ABCD3: variants seen among roughly 807,000 people sequenced by gnomAD.
ABCD3 encodes the protein ATP-binding cassette sub-family D member 3.
Under a neutral mutation model 105.5 loss-of-function variants are expected in ABCD3, and 41 were observed. The observed-to-expected ratio is 0.39, with a 90% CI of 0.30 to 0.50. ABCD3 has a LOEUF of 0.50. Ranked by LOEUF, ABCD3 falls within the 20% of genes least tolerant of loss-of-function variation. The pLI, the probability that ABCD3 is intolerant of heterozygous loss-of-function variation, is 0.84. For synonymous variants in ABCD3, 258 were observed against 269.0 expected (o/e 0.96, Z 0.40); for missense variants, 622 against 806.3 (o/e 0.77, Z 2.77).
chr1:94,495,468 C>T (rs1353321397), intron 16 of ABCD3, among the ~76,000 whole-genome samples: 1 of 152,118 alleles, frequency 6.6e-6, no homozygotes, highest in African/African-American at 2.4e-5. Flanking sequence ...GAAAAATTAT[C>T]ACTGGCTTAT....
chr1:94,506,702 C>A, intron 21 of ABCD3, 60 bp downstream of exon 21: 2 of 1,198,616 alleles, frequency 1.7e-6, no homozygotes, highest in African/African-American at 1.5e-5. Context: ...TAAACTATGT[C>A]CAAATCTGTC....
At chr1:94,453,138 C>T (rs1570763376) in intron 1 of ABCD3, among the ~76,000 whole-genome samples, 1 of 152,158 alleles carries the variant, frequency 6.6e-6, no homozygotes, top group Non-Finnish European at 1.5e-5. Context: ...TGTCCTAAAA[C>T]AGTTAAAGCA....
the ABCD3 span, among the ~76,000 whole-genome samples, chr1:94,402,635 A>G: frequency 6.6e-6 from 1 of 152,180 alleles, no homozygotes; most frequent in Non-Finnish European, 1.5e-5. Context: ...AATGTCCTCA[A>G]CAACGTCCTC....
chr1:94,432,459 G>A (rs562060133), intron 1 of ABCD3: 1 of 152,314 alleles, frequency 6.6e-6, no homozygotes, highest in East Asian at 1.9e-4. Context: ...GACGAAGCTG[G>A]AGATATTACT....
intron 1 of ABCD3, among the ~76,000 whole-genome samples, chr1:94,443,385 C>G (rs1182581515): frequency 6.6e-6 from 1 of 152,066 alleles, no homozygotes; most frequent in Non-Finnish European, 1.5e-5. Flanking sequence ...GCATAGTTTG[C>G]AAATATTTTT....
In ABCD3 at chr1:94,473,790, A is replaced by C; in HGVS notation, c.360A>C (p.Lys120Asn). Residue 120 changes from lysine (K) to asparagine (N), a missense_variant, in exon 5 of 23, where the codon AAA becomes AAC. Transcript: ENST00000370214. Reference sequence around the variant, plus strand: ...GTGGTATCATTGGTCGTAGCAGGAAAGATTTCAAGAGATACTTACTCAACT... The same window carrying C: ...GTGGTATCATTGGTCGTAGCAGGAACGATTTCAAGAGATACTTACTCAACT... ...IESGIIGRSR[K>N]DFKRYLLNFI... is the part of the protein sequence containing the mutation. 2 of 1,612,980 alleles carry C rather than the reference A, an allele frequency of 1.2e-6. No homozygotes were observed. The highest frequency in any genetic ancestry group is 1.7e-6 in the Non-Finnish European group (2 of 1,179,444).
chr1:94,471,188 AT>A (rs1218250787), intron 4 of ABCD3, among the ~76,000 whole-genome samples: 1 of 152,100 alleles, frequency 6.6e-6, no homozygotes, highest in East Asian at 1.9e-4. Context: ...ATTGTTTTTC[AT>A]TTTTTGTATG....
At chr1:94,489,245 AAG>A (rs1649415514) in intron 13 of ABCD3, among the ~76,000 whole-genome samples, 1 of 152,114 alleles carries the variant, frequency 6.6e-6, no homozygotes, top group Non-Finnish European at 1.5e-5. Context: ...CAGAGTAAGA[AAG>A]AGGGAATCTT....
intron 8 of ABCD3, chr1:94,478,619 G>C: frequency 1.8e-6 from 2 of 1,139,988 alleles, no homozygotes; most frequent in Non-Finnish European, 2.5e-6. Flanking sequence ...GGGAGGCTGA[G>C]ATGGGAGGAT....
chr1:94,414,781 C>A (rs756336808), upstream of ABCD3, among the ~76,000 whole-genome samples: 1 of 152,174 alleles, frequency 6.6e-6, no homozygotes, highest in Non-Finnish European at 1.5e-5. Flanking sequence ...GTATCTTCTT[C>A]GGAATCCTCT....
At chr1:94,402,920 AT>A in the ABCD3 span, among the ~76,000 whole-genome samples, 1 of 150,412 alleles carries the variant, frequency 6.6e-6, no homozygotes, top group African/African-American at 2.4e-5. Context: ...ATCATCTAGC[AT>A]TAGGTATATC....
In ABCD3 at chr1:94,467,859, A is replaced by C; in HGVS notation, c.247-60A>C. The C allele has an allele frequency of 1.5e-5, 18 of 1,228,106 alleles. No individual in the cohort carries two copies. The South Asian group carries it at 2.2e-4, about 15-fold the overall frequency. The allele number at this position is 1,228,106 out of a possible 1,614,324, so 76.1% of individuals were successfully genotyped here. On this transcript the variant is annotated intron_variant, in intron 3 of 22. Coordinates refer to ENST00000370214, the MANE Select transcript of ABCD3 (RefSeq NM_002858.4). ...GAAACCAAAAATTGTTACCAAGGTA[A>C]TATTTCTTTGAACTTTCTAAAATGC...
chr1:94,492,931 T>C (rs759700073), intron 16 of ABCD3, among the ~76,000 whole-genome samples: 2 of 152,216 alleles, frequency 1.3e-5, no homozygotes, highest in Non-Finnish European at 2.9e-5. Context: ...AAAGCCCTTA[T>C]GTTTGTATTG....
At chr1:94,437,066 T>C (rs1659933385) in intron 1 of ABCD3, among the ~76,000 whole-genome samples, 1 of 152,178 alleles carries the variant, frequency 6.6e-6, no homozygotes, top group African/African-American at 2.4e-5. Flanking sequence ...CAAAGGTTGG[T>C]TCATGAGGTT....
chr1:94,475,151 G>A lies in ABCD3; in HGVS notation c.414G>A (p.Leu138=), dbSNP rs778354023. 6.3e-7 allele frequency: 1 copy of A among 1,594,830 alleles called. No homozygotes were observed. Among genetic ancestry groups the A allele is most frequent in the South Asian group, 1.1e-5 (1 of 88,702 alleles). The change falls in exon 6 of 23, where the codon CTG becomes CTA. Residue 138 remains leucine, a synonymous_variant. Transcript: ENST00000370214. ...NFIAAMPLIS[L]VNNFLKYGLN... ...TTGTTTGTTTGTTTTAGATCTCTCTGGTTAATAACTTCTTGAAGTATGGGT... is the reference window on the plus strand; with the variant it reads ...TTGTTTGTTTGTTTTAGATCTCTCTAGTTAATAACTTCTTGAAGTATGGGT...
At chr1:94,456,478 G>A (rs771582316) in intron 1 of ABCD3, among the ~76,000 whole-genome samples, 4 of 150,446 alleles carry the variant, frequency 2.7e-5, no homozygotes, top group Admixed American at 6.6e-5. Flanking sequence ...GAGTTTCACC[G>A]TGTTGCCCAG....
intron 1 of ABCD3, among the ~76,000 whole-genome samples, chr1:94,437,808 G>T (rs1167494387): frequency 6.6e-6 from 1 of 152,170 alleles, no homozygotes; most frequent in African/African-American, 2.4e-5. Flanking sequence ...AAGAACATTT[G>T]TGGTTCATAG....
At chr1:94,393,537 G>T in the ABCD3 span, among the ~76,000 whole-genome samples, 1 of 152,104 alleles carries the variant, frequency 6.6e-6, no homozygotes, top group African/African-American at 2.4e-5. Flanking sequence ...TACCTGGGAG[G>T]CTGAGGCAGG....
intron 15 of ABCD3, among the ~76,000 whole-genome samples, chr1:94,490,729 A>C (rs1236341664): frequency 1.3e-5 from 2 of 152,100 alleles, no homozygotes; most frequent in African/African-American, 2.4e-5. Flanking sequence ...TGGAGTGAAC[A>C]TGGGAGGAAG....
Sources: gnomAD v4.1 joint callset for allele counts (sites outside exome capture counted in the v4.1 genomes callset) on GRCh38, gnomAD v4.1.1 for gene constraint, MANE v1.5 for transcripts, NCBI Gene and HGNC (gene_info 2026-07-23, HGNC 2026-07-21) for gene names.